Variants in REV1 observed in about 807,000 individuals in gnomAD.
REV1 encodes REV1 DNA directed polymerase, also known as translesion synthesis protein REV1.
Under a neutral mutation model 137.4 loss-of-function variants are expected in REV1, and 42 were observed. The ratio of observed to expected loss-of-function variants is 0.31; its 90% confidence interval spans 0.24 to 0.40. The LOEUF (loss-of-function observed/expected upper bound fraction) is 0.40. Ranked by LOEUF, REV1 falls within the 10% of genes least tolerant of loss-of-function variation. The pLI, the probability that REV1 is intolerant of heterozygous loss-of-function variation, is 1.00. For missense variants in REV1, 1,282 were observed against 1,490.1 expected (o/e 0.86, Z 2.30); for synonymous variants, 524 against 519.2 (o/e 1.01, Z -0.12).
Position 99,415,542 on chromosome 2 carries a change from G to A in REV1, c.1952-2591C>T, listed in dbSNP as rs546066508. Among the ~76,000 whole-genome samples the A allele has an allele frequency of 3.9e-5, 6 of 152,370 alleles. No individual in the cohort carries two copies. The South Asian group carries it at 1.2e-3, about 32-fold the overall frequency. On this transcript the variant is annotated intron_variant, in intron 12 of 22. Coordinates refer to ENST00000258428, the MANE Select transcript of REV1 (RefSeq NM_016316.4). ...GCTGTTCAACTGAACTTTCTGCAGT[G>A]ATGGAAATGTTCTCGTCTGCTATCC...
At position 99,405,652 on chromosome 2, in the gene REV1, G is replaced by A. The variant is rs1676178832; in HGVS notation, c.2811+258C>T. ...ATGACCACTGTCACAGACAATGGCA[G>A]TCCACAGGAGGACTGCCTTTCAGCT... On this transcript the variant is annotated intron_variant, in intron 17 of 22. Coordinates refer to ENST00000258428, the MANE Select transcript of REV1 (RefSeq NM_016316.4). 9.9e-6 allele frequency: 3 copies of A among 301,766 alleles called. No individual in the cohort carries two copies. The East Asian group carries it at 1.7e-4, about 17-fold the overall frequency. The allele number at this position is 301,766 out of a possible 1,614,324, so 18.7% of individuals were successfully genotyped here.
chr2:99,490,031 C>T (rs1170453929), upstream of REV1: 6 of 148,938 alleles, frequency 4.0e-5, no homozygotes, highest in East Asian at 2.0e-4. Flanking sequence ...GCCCCTCCCC[C>T]TCCGGTTAGC....
intron 15 of REV1, among the ~76,000 whole-genome samples, chr2:99,407,788 C>T (rs191952451): frequency 6.6e-6 from 1 of 152,108 alleles, no homozygotes; most frequent in South Asian, 2.1e-4. Context: ...ATATTAGCCC[C>T]TGGTTAATCA....
At chr2:99,432,614 TAAAGTA>T (rs1272782990) in intron 8 of REV1, among the ~76,000 whole-genome samples, 1 of 152,228 alleles carries the variant, frequency 6.6e-6, no homozygotes, top group Non-Finnish European at 1.5e-5. Context: ...GACATCAAGT[TAAAGTA>T]AGAGTATAAA....
intron 1 of REV1, among the ~76,000 whole-genome samples, chr2:99,472,186 A>G (rs1484381353): frequency 6.6e-6 from 1 of 152,220 alleles, no homozygotes; most frequent in Non-Finnish European, 1.5e-5. Context: ...TGGGTAAACA[A>G]AATGTGGTAT....
At chr2:99,415,845 C>T (rs768016595) in intron 12 of REV1, among the ~76,000 whole-genome samples, 2 of 152,168 alleles carry the variant, frequency 1.3e-5, no homozygotes, top group East Asian at 1.9e-4. Context: ...AGAGTGCATG[C>T]GCAGGTAAAA....
chr2:99,403,127 G>T, intron 19 of REV1, 21 bp from the exon 20 acceptor site: 1 of 1,530,554 alleles, frequency 6.5e-7, no homozygotes, highest in Non-Finnish European at 8.8e-7. Context: ...ATGGATATAA[G>T]ATCCTCAACA....
chr2:99,483,784 A>G (rs1430634443), intron 1 of REV1, among the ~76,000 whole-genome samples: 1 of 152,028 alleles, frequency 6.6e-6, no homozygotes, highest in Non-Finnish European at 1.5e-5. Flanking sequence ...TTGGTGTAGC[A>G]GGGGGAAAAA....
chr2:99,484,659 C>A (rs1308378320), intron 1 of REV1, among the ~76,000 whole-genome samples: 1 of 151,520 alleles, frequency 6.6e-6, no homozygotes, highest in Non-Finnish European at 1.5e-5. Context: ...ACTTATAATA[C>A]AAGCATTTAA....
chr2:99,489,296 C>G (rs1341270865), intron 1 of REV1, among the ~76,000 whole-genome samples: 1 of 152,172 alleles, frequency 6.6e-6, no homozygotes, highest in Non-Finnish European at 1.5e-5. Context: ...TGCGGAAAAA[C>G]GCTGTGGCTG....
chr2:99,475,319 G>A (rs1025506744), intron 1 of REV1, among the ~76,000 whole-genome samples: 1 of 152,194 alleles, frequency 6.6e-6, no homozygotes, highest in African/African-American at 2.4e-5. Context: ...GGAGAACAAA[G>A]GAAGGAGGAA....
Position 99,426,024 on chromosome 2 carries a change from G to A in REV1, c.1548-1744C>T, listed in dbSNP as rs376239630. ...ACACTCCAGCCTGGGCAACAAGAGC[G>A]AAACTCCATCTCAAAAAAAGAAACC... On this transcript the variant is annotated intron_variant, in intron 9 of 22. Transcript: ENST00000258428. 3.8e-4 allele frequency among the ~76,000 whole-genome samples: 58 copies of A among 150,714 alleles called. 1 individual carries two copies. In the East Asian group the frequency reaches 0.01, roughly 27 times the overall value.
rs1675307265 is a variant in REV1, at chr2:99,401,016, A to T, written c.*225T>A. ...TAAAAATCCATAAAACTTTATAAACAAACATTTTGTAAATAGAATCTATGC... is the reference window on the plus strand; with the variant it reads ...TAAAAATCCATAAAACTTTATAAACTAACATTTTGTAAATAGAATCTATGC... On this transcript the variant is annotated 3_prime_UTR_variant, in exon 23 of 23. Transcript: ENST00000258428. 3 of 328,308 alleles carry T rather than the reference A, an allele frequency of 9.1e-6. No individual in the cohort carries two copies. The East Asian group carries it at 1.5e-4, about 17-fold the overall frequency. The allele number at this position is 328,308 out of a possible 1,614,324, so 20.3% of individuals were successfully genotyped here.
At chr2:99,403,211 G>A in intron 19 of REV1, 105 bp from the exon 20 acceptor site, 1 of 905,298 alleles carries the variant, frequency 1.1e-6, no homozygotes, top group South Asian at 1.8e-5. Context: ...AGGCTCCCTA[G>A]CCTACACCTC....
chr2:99,479,326 CA>C (rs60839666), intron 1 of REV1, among the ~76,000 whole-genome samples: 41,123 of 96,584 alleles, frequency 0.43, 5,645 homozygotes, highest in Admixed American at 0.54. Context: ...GACTCTGTCT[CA>C]AAAAAAAAAA....
At chr2:99,424,123 A>G (rs749697390) in intron 10 of REV1, 29 bp downstream of exon 10, 1 of 1,603,750 alleles carries the variant, frequency 6.2e-7, no homozygotes, top group South Asian at 1.1e-5. Context: ...GAAAACACAG[A>G]CACAAAATGA....
chr2:99,446,383 TA>T (rs755793656), intron 4 of REV1, among the ~76,000 whole-genome samples: 1 of 152,214 alleles, frequency 6.6e-6, no homozygotes, highest in Non-Finnish European at 1.5e-5. Flanking sequence ...TAAAATCCAT[TA>T]AAGTGAATTT....
intron 17 of REV1, 122 bp from the exon 18 acceptor site, chr2:99,404,799 A>AC (rs1338087422): frequency 1.4e-6 from 1 of 740,000 alleles, no homozygotes; most frequent in Non-Finnish European, 2.2e-6. Flanking sequence ...TAAGGTACAG[A>AC]CCATCAAGCT....
intron 12 of REV1, among the ~76,000 whole-genome samples, chr2:99,418,213 G>A (rs531867683): frequency 1.3e-5 from 2 of 152,266 alleles, no homozygotes; most frequent in Admixed American, 1.3e-4. Flanking sequence ...TTACAAAGCT[G>A]ACAGAGGCAC....
Sources: gnomAD v4.1 joint callset for allele counts (sites outside exome capture counted in the v4.1 genomes callset) on GRCh38, gnomAD v4.1.1 for gene constraint, MANE v1.5 for transcripts, NCBI Gene and HGNC (gene_info 2026-07-23, HGNC 2026-07-21) for gene names.